Variants in AOPEP observed in about 807,000 individuals in gnomAD.
AOPEP encodes the protein aminopeptidase O.
AOPEP carries 77 observed loss-of-function variants against 98.1 expected under a neutral mutation model. The observed-to-expected ratio is 0.78, with a 90% confidence interval of 0.65 to 0.95. The LOEUF (loss-of-function observed/expected upper bound fraction) is 0.95. AOPEP is among the 40% of genes least tolerant of loss of function. The pLI is 0.00. For synonymous variants in AOPEP, 346 were observed against 365.3 expected, an observed-to-expected ratio of 0.95 and a Z score of 0.60; for missense variants, 1,024 against 1,024.7, an observed-to-expected ratio of 1.00 and a Z score of 0.01.
At chr9:94,761,030 C>T (rs1184006808) in intron 2 of AOPEP, among the ~76,000 whole-genome samples, 3 of 152,210 alleles carry the variant, frequency 2.0e-5, no homozygotes, top group Non-Finnish European at 4.4e-5. Flanking sequence ...ATAAAGCCAG[C>T]TCTGCTTTGT....
the AOPEP span, among the ~76,000 whole-genome samples, chr9:95,120,916 C>T: frequency 1.3e-5 from 2 of 152,162 alleles, no homozygotes; most frequent in South Asian, 2.1e-4. Context: ...TTTTTTGGCA[C>T]CTTAAGTCAA....
At chr9:94,780,887 C>G (rs1207944196) in intron 3 of AOPEP, among the ~76,000 whole-genome samples, 1 of 152,176 alleles carries the variant, frequency 6.6e-6, no homozygotes, top group African/African-American at 2.4e-5. Context: ...GATTTTTCCA[C>G]AGAAGCAAGG....
chr9:95,040,284 G>A (rs2065177103), intron 13 of AOPEP, among the ~76,000 whole-genome samples: 1 of 152,208 alleles, frequency 6.6e-6, no homozygotes, highest in Non-Finnish European at 1.5e-5. Context: ...GTAGTGCCCA[G>A]CCTCTTTATT....
At chr9:94,882,573 C>G (rs937096428) in intron 5 of AOPEP, among the ~76,000 whole-genome samples, 2 of 152,142 alleles carry the variant, frequency 1.3e-5, no homozygotes, top group African/African-American at 4.8e-5. Context: ...GTCAGGAGTT[C>G]AAGACCAGCC....
At chr9:95,092,172 C>T in the AOPEP span, among the ~76,000 whole-genome samples, 154 of 152,262 alleles carry the variant, frequency 1.0e-3, no homozygotes, top group African/African-American at 3.6e-3. Context: ...TCTGTCTAGT[C>T]CCAACAGCTT....
intron 2 of AOPEP, among the ~76,000 whole-genome samples, chr9:94,771,020 G>T (rs1235146180): frequency 6.6e-6 from 1 of 152,184 alleles, no homozygotes; most frequent in Non-Finnish European, 1.5e-5. Flanking sequence ...GTATTTCTCA[G>T]ATTTGACCTC....
intron 1 of AOPEP, among the ~76,000 whole-genome samples, chr9:94,743,614 GCAACT>G (rs1290954789): frequency 6.6e-6 from 1 of 152,168 alleles, no homozygotes; most frequent in Non-Finnish European, 1.5e-5. Flanking sequence ...GAAATCATGA[GCAACT>G]CAAAAGGCTT....
rs115500216 is a variant in AOPEP, at chr9:94,952,631, C to T, written c.1662-2546C>T. Among the ~76,000 whole-genome samples the T allele has an allele frequency of 2.5e-3, 379 of 152,304 alleles. 1 individual carries two copies. The highest frequency in any genetic ancestry group is 8.6e-3 in the African/African-American group (358 of 41,564). The stretch of plus-strand genomic sequence containing the variant: ...CTTTCTCCGGTACTTTGTCTCTCTA[C>T]GCAGACCTGGTATTAGTAGCATTGT... On this transcript the variant is annotated intron_variant, in intron 7 of 16. Coordinates refer to ENST00000375315, the MANE Select transcript of AOPEP (RefSeq NM_001193329.3).
chr9:94,728,554 A>G (rs139434055), intron 1 of AOPEP, among the ~76,000 whole-genome samples: 1 of 152,338 alleles, frequency 6.6e-6, no homozygotes, highest in African/African-American at 2.4e-5. Flanking sequence ...AAGAAGAGTT[A>G]GAGGGAGATG....
At chr9:94,772,867 A>G (rs957246431) in intron 2 of AOPEP, 135 bp from the exon 3 acceptor site, 3 of 835,604 alleles carry the variant, frequency 3.6e-6, no homozygotes, top group African/African-American at 1.7e-5. Flanking sequence ...TCAAAATGCT[A>G]GGAAACCAGT....
chr9:94,794,349 C>T (rs1846439445), intron 4 of AOPEP, among the ~76,000 whole-genome samples: 1 of 152,134 alleles, frequency 6.6e-6, no homozygotes, highest in South Asian at 2.1e-4. Flanking sequence ...TAAGTCAGTA[C>T]CTTCTGGTGG....
intron 11 of AOPEP, among the ~76,000 whole-genome samples, chr9:94,999,783 GGTGT>G (rs137918117): frequency 6.6e-6 from 1 of 150,416 alleles, no homozygotes. Flanking sequence ...TGACAATTGG[GGTGT>G]GTGTGTGTGT....
chr9:94,807,919 G>C (rs905087042), intron 5 of AOPEP, among the ~76,000 whole-genome samples: 1 of 152,246 alleles, frequency 6.6e-6, no homozygotes, highest in African/African-American at 2.4e-5. Context: ...CCAAGATGCA[G>C]CTGGAGCCCA....
chr9:94,727,569 T>C lies in AOPEP; in HGVS notation c.-136+818T>C, dbSNP rs574807874. Among the ~76,000 whole-genome samples, 8 of 152,314 alleles carry C rather than the reference T, an allele frequency of 5.3e-5. No individual in the cohort carries two copies. In the South Asian group the frequency reaches 1.7e-3, roughly 32 times the overall value. ...ATGGTTGATAAAGAAATAATATGGG[T>C]TATTACAAAACCAGACAGAATAGAT... On this transcript the variant is annotated intron_variant, in intron 1 of 16. Coordinates refer to ENST00000375315, the MANE Select transcript of AOPEP (RefSeq NM_001193329.3).
chr9:95,136,897 C>T, the AOPEP span, among the ~76,000 whole-genome samples: 3 of 152,192 alleles, frequency 2.0e-5, no homozygotes, highest in Non-Finnish European at 4.4e-5. Flanking sequence ...ATGAGGGGCA[C>T]ATGTCTGTCT....
intron 5 of AOPEP, among the ~76,000 whole-genome samples, chr9:94,840,034 C>A (rs557491842): frequency 6.6e-6 from 1 of 152,338 alleles, no homozygotes; most frequent in African/African-American, 2.4e-5. Context: ...TCTCAAAGTG[C>A]TGGGATTACA....
At chr9:94,871,020 C>T (rs1189466879) in intron 5 of AOPEP, among the ~76,000 whole-genome samples, 5 of 152,178 alleles carry the variant, frequency 3.3e-5, no homozygotes, top group South Asian at 4.1e-4. Flanking sequence ...ACTCCTTTTT[C>T]AGCCCTCCTC....
At chr9:94,741,392 C>A (rs965481792) in intron 1 of AOPEP, among the ~76,000 whole-genome samples, 1 of 151,956 alleles carries the variant, frequency 6.6e-6, no homozygotes, top group Non-Finnish European at 1.5e-5. Context: ...TCTGCTTCAG[C>A]CCCCCGAGTA....
chr9:95,094,814 C>T, the AOPEP span, among the ~76,000 whole-genome samples: 13 of 152,102 alleles, frequency 8.5e-5, no homozygotes, highest in Admixed American at 7.9e-4. Context: ...TACAGGTGTG[C>T]GCCACCATGC....
Sources: gnomAD v4.1 joint callset for allele counts (sites outside exome capture counted in the v4.1 genomes callset) on GRCh38, gnomAD v4.1.1 for gene constraint, MANE v1.5 for transcripts, NCBI Gene and HGNC (gene_info 2026-07-23, HGNC 2026-07-21) for gene names.